Variants in CDC40 observed in about 807,000 individuals in gnomAD.
CDC40 encodes the protein pre-mRNA-processing factor 17.
A neutral mutation model predicts 80.6 loss-of-function variants in CDC40; 27 were observed. The observed-to-expected ratio is 0.33, with a 90% confidence interval of 0.25 to 0.46. The LOEUF (loss-of-function observed/expected upper bound fraction) is 0.46. CDC40 is among the 20% of genes least tolerant of loss of function. The probability of loss-of-function intolerance (pLI) is 1.00; values close to 1 mark genes in which losing one functional copy is unlikely to be tolerated. For missense variants in CDC40, 486 were observed against 694.1 expected (o/e 0.70, Z 3.37); for synonymous variants, 221 against 232.6 (o/e 0.95, Z 0.45).
At chr6:110,201,537 T>G (rs756992316) in intron 2 of CDC40, 21 bp from the exon 3 acceptor site, 16 of 1,557,622 alleles carry the variant, frequency 1.0e-5, no homozygotes, top group Non-Finnish European at 1.4e-5. Flanking sequence ...TTATTTTATT[T>G]TTTTTCTTGT....
intron 12 of CDC40, among the ~76,000 whole-genome samples, chr6:110,221,583 T>C (rs908924816): frequency 6.6e-6 from 1 of 152,168 alleles, no homozygotes; most frequent in Non-Finnish European, 1.5e-5. Context: ...GGACCCCAAG[T>C]TTTATATGAG....
chr6:110,180,477 C>T lies in CDC40; in HGVS notation c.33C>T (p.Ser11=), dbSNP rs146309558. The change falls in exon 1 of 15, where the codon TCC becomes TCT. Residue 11 remains serine (S), a synonymous_variant. Coordinates refer to ENST00000307731, the MANE Select transcript of CDC40 (RefSeq NM_015891.3). MSAAIAALAA[S]YGSGSGSESD... is the part of the protein sequence containing the mutation. ...CTGCGATTGCAGCTCTGGCCGCTTC[C>T]TATGGTTCGGGTTCAGGGTCCGAAT... The T allele has an allele frequency of 3.7e-6, 6 of 1,614,202 alleles. No individual in the cohort carries two copies. Among genetic ancestry groups the T allele is most frequent in the Non-Finnish European group, 5.1e-6 (6 of 1,180,046 alleles).
intron 11 of CDC40, 97 bp from the exon 12 acceptor site, chr6:110,219,639 G>C: frequency 7.3e-7 from 1 of 1,376,460 alleles, no homozygotes; most frequent in Non-Finnish European, 1.0e-6. Flanking sequence ...TAAAAATATC[G>C]TGTTGAAGAT....
chr6:110,193,145 T>A (rs1430897260), intron 1 of CDC40, 37 bp from the exon 2 acceptor site: 1 of 1,239,804 alleles, frequency 8.1e-7, no homozygotes, highest in Non-Finnish European at 1.2e-6. Flanking sequence ...AATAGTCATT[T>A]ATCAGATCAT....
At chr6:110,198,317 A>G (rs1174214973) in intron 2 of CDC40, among the ~76,000 whole-genome samples, 1 of 151,882 alleles carries the variant, frequency 6.6e-6, no homozygotes, top group Non-Finnish European at 1.5e-5. Flanking sequence ...AGGTGTCTAC[A>G]GGCACACACC....
chr6:110,191,408 G>T (rs1777347504), intron 1 of CDC40, among the ~76,000 whole-genome samples: 1 of 152,186 alleles, frequency 6.6e-6, no homozygotes, highest in South Asian at 2.1e-4. Context: ...ATTAAAGATG[G>T]TGATATGATA....
rs552545922 is a variant in CDC40 at position 110,230,612 on chromosome 6, A to T, written c.*481A>T. The stretch of plus-strand genomic sequence containing the variant: ...TCTCCCTATTATTTTCACTGGGTCA[A>T]GTTTTAATCTTTTGGCTTCATGAGT... On this transcript the variant is annotated 3_prime_UTR_variant, in exon 15 of 15. Coordinates refer to ENST00000307731, the MANE Select transcript of CDC40 (RefSeq NM_015891.3). The T allele has an allele frequency of 6.6e-6, 1 of 152,616 alleles. No homozygotes were observed. Among genetic ancestry groups the T allele is most frequent in the African/African-American group, 2.4e-5 (1 of 40,910 alleles). 9.5% of individuals were successfully genotyped at this position (152,616 alleles called of 1,614,324 possible). A position where few individuals can be genotyped will look rare whatever the true frequency, so the allele number is the denominator to read the frequency against.
At chr6:110,221,004 A>G (rs1013687042) in intron 12 of CDC40, among the ~76,000 whole-genome samples, 6 of 152,160 alleles carry the variant, frequency 3.9e-5, no homozygotes, top group African/African-American at 2.4e-5. Flanking sequence ...CTCTGGTACA[A>G]ATGTTTTACT....
chr6:110,182,415 G>A (rs1186505814), intron 1 of CDC40, among the ~76,000 whole-genome samples: 4 of 152,126 alleles, frequency 2.6e-5, no homozygotes, highest in Admixed American at 1.3e-4. Context: ...TCAGTGTGTC[G>A]AAAAATTATT....
intron 1 of CDC40, among the ~76,000 whole-genome samples, chr6:110,191,744 C>T (rs1366641628): frequency 6.6e-6 from 1 of 152,036 alleles, no homozygotes; most frequent in Non-Finnish European, 1.5e-5. Flanking sequence ...TGAGCACAGG[C>T]ATAGTGCTAG....
intron 6 of CDC40, chr6:110,211,232 T>C (rs1777633364): frequency 6.6e-6 from 1 of 152,206 alleles, no homozygotes; most frequent in Non-Finnish European, 1.5e-5. Flanking sequence ...ACTTGGATTT[T>C]CGTGTGAAAA....
chr6:110,221,061 A>G (rs531292710), intron 12 of CDC40, among the ~76,000 whole-genome samples: 4 of 152,310 alleles, frequency 2.6e-5, no homozygotes, highest in South Asian at 4.1e-4. Flanking sequence ...TTTACTAGGG[A>G]AAAAATATTT....
intron 4 of CDC40, 46 bp downstream of exon 4, chr6:110,207,635 T>A: frequency 1.0e-6 from 1 of 984,462 alleles, no homozygotes; most frequent in Non-Finnish European, 1.6e-6. Flanking sequence ...TACACATCTA[T>A]AATTAGTGTC....
chr6:110,193,982 T>C (rs1204578645), intron 2 of CDC40, among the ~76,000 whole-genome samples: 1 of 152,178 alleles, frequency 6.6e-6, no homozygotes, highest in African/African-American at 2.4e-5. Context: ...CAGATGCCCC[T>C]GAAGTGTCAT....
At chr6:110,213,212 A>T (rs1185468093) in intron 8 of CDC40, 52 bp downstream of exon 8, 2 of 1,135,254 alleles carry the variant, frequency 1.8e-6, no homozygotes, top group African/African-American at 3.1e-5. Flanking sequence ...TCTTTGTTTA[A>T]ATCTGTTTGA....
Position 110,180,450 on chromosome 6 carries a change from G to C in CDC40, c.6G>C (p.Ser2=), listed in dbSNP as rs770945694. The change falls in exon 1 of 15, where the codon TCG becomes TCC. Residue 2 remains serine, a synonymous_variant. Transcript: ENST00000307731. M[S]AAIAALAASY... ...GCAGAAGATTTGTTGCCGTCATGTCGGCTGCGATTGCAGCTCTGGCCGCTT... is the reference window on the plus strand; with the variant it reads ...GCAGAAGATTTGTTGCCGTCATGTCCGCTGCGATTGCAGCTCTGGCCGCTT... The C allele has an allele frequency of 2.5e-6, 4 of 1,614,022 alleles. No individual in the cohort carries two copies. In the South Asian group the frequency reaches 3.3e-5, roughly 13 times the overall value.
At chr6:110,182,466 T>C (rs76256333) in intron 1 of CDC40, among the ~76,000 whole-genome samples, 2 of 152,226 alleles carry the variant, frequency 1.3e-5, no homozygotes, top group Non-Finnish European at 2.9e-5. Context: ...CCTATTTTGA[T>C]CTGTCATCCC....
chr6:110,216,402 T>C (rs1777700395), intron 9 of CDC40, among the ~76,000 whole-genome samples: 1 of 152,224 alleles, frequency 6.6e-6, no homozygotes. Flanking sequence ...CACAAATTAA[T>C]ACTGCCTAAG....
chr6:110,193,017 T>C (rs1777371778), intron 1 of CDC40, among the ~76,000 whole-genome samples, 165 bp from the exon 2 acceptor site: 1 of 152,216 alleles, frequency 6.6e-6, no homozygotes, highest in African/African-American at 2.4e-5. Flanking sequence ...TTTTTATGTA[T>C]TTTAACCTCT....
Sources: allele counts gnomAD v4.1 joint callset (sites outside exome capture counted in the v4.1 genomes callset), GRCh38; gene constraint gnomAD v4.1.1; transcripts MANE v1.5; gene names NCBI Gene and HGNC (gene_info 2026-07-23, HGNC 2026-07-21).